Variants in FAF1 observed in about 807,000 individuals in gnomAD.
The protein encoded by FAF1 is FAS-associated factor 1.
In FAF1, 25 loss-of-function variants were observed where a neutral mutation model predicts 92.5. That is an observed-to-expected ratio of 0.27 (90% CI 0.20 to 0.38). FAF1 has a LOEUF of 0.38. Among genes scored for constraint, FAF1 ranks in the 10% least tolerant of loss-of-function variants. FAF1 has a pLI of 1.00. For missense variants in FAF1, 636 were observed against 793.3 expected (o/e 0.80, Z 2.38); for synonymous variants, 234 against 273.2 (o/e 0.86, Z 1.42).
chr1:50,832,281 G>A (rs927999772), intron 2 of FAF1, among the ~76,000 whole-genome samples: 1 of 152,098 alleles, frequency 6.6e-6, no homozygotes, highest in East Asian at 1.9e-4. Context: ...CTGATTTAGA[G>A]GACTACTAGC....
chr1:50,940,969 C>A (rs1332364430), intron 1 of FAF1, among the ~76,000 whole-genome samples: 1 of 151,940 alleles, frequency 6.6e-6, no homozygotes. Flanking sequence ...TTAAAAATCA[C>A]CTTTAAAGAA....
At chr1:50,636,195 T>C (rs183965212) in intron 8 of FAF1, among the ~76,000 whole-genome samples, 103 of 152,240 alleles carry the variant, frequency 6.8e-4, no homozygotes, top group Non-Finnish European at 9.9e-4. Flanking sequence ...AATGCACCCA[T>C]TTTAAAGCAT....
chr1:50,880,632 TATC>T (rs1341385073), intron 1 of FAF1, among the ~76,000 whole-genome samples: 2 of 152,204 alleles, frequency 1.3e-5, no homozygotes, highest in African/African-American at 4.8e-5. Context: ...CTAGAAATGA[TATC>T]ATGTGAAACA....
rs143113861 is a variant in FAF1 at position 50,788,074 on chromosome 1, G to C, written c.293C>G (p.Pro98Arg). ...MPSRQIVERQ[P>R]RMLDFRVEYR... ...TTCAACCCTGAAGTCCAGCATCCGA[G>C]GTTGCCTTTCTACAATCTGCCTGGA... The change falls in exon 4 of 19, where the codon CCT (proline) becomes CGT (arginine). Residue 98 changes from proline (P) to arginine (R), a missense_variant. Pro to Arg is a moderately radical substitution (Grantham distance 103). This residue lies in a region of FAF1 where 317 missense variants were observed against 342.4 expected (regional missense o/e 0.93). Coordinates refer to ENST00000396153, the MANE Select transcript of FAF1 (RefSeq NM_007051.3). The C allele has an allele frequency of 3.5e-5, 56 of 1,613,994 alleles. No homozygotes were observed. The highest frequency in any genetic ancestry group is 6.8e-6 in the Non-Finnish European group (8 of 1,179,998).
intron 3 of FAF1, 35 bp downstream of exon 3, chr1:50,801,596 A>C: frequency 8.1e-7 from 1 of 1,234,162 alleles, no homozygotes; most frequent in Non-Finnish European, 1.2e-6. Context: ...TTGTTCTGCT[A>C]AGTCATCTTA....
intron 9 of FAF1, among the ~76,000 whole-genome samples, chr1:50,594,625 C>CG (rs1335019305): frequency 0.014 from 187 of 13,230 alleles, 1 homozygote; most frequent in South Asian, 0.1. Flanking sequence ...TTTGGGAGGC[C>CG]GGGGGGGGTG....
At chr1:50,706,919 A>T (rs1250093676) in intron 6 of FAF1, among the ~76,000 whole-genome samples, 1 of 152,176 alleles carries the variant, frequency 6.6e-6, no homozygotes, top group African/African-American at 2.4e-5. Flanking sequence ...AATTAGACAG[A>T]TAGGACGGGC....
At chr1:50,820,847 A>ATGTGTGTG (rs59160200) in intron 2 of FAF1, among the ~76,000 whole-genome samples, 2 of 149,812 alleles carry the variant, frequency 1.3e-5, no homozygotes, top group African/African-American at 4.9e-5. Flanking sequence ...CTGAATAATA[A>ATGTGTGTG]TGTGTGTGTG....
chr1:50,733,930 C>T (rs777046286), intron 6 of FAF1, among the ~76,000 whole-genome samples: 7 of 152,202 alleles, frequency 4.6e-5, no homozygotes, highest in Middle Eastern at 3.4e-3. Context: ...CTGAGTAGCT[C>T]GGGTTACAGG....
At chr1:50,954,540 ATTT>A (rs199964324) in intron 1 of FAF1, among the ~76,000 whole-genome samples, 12,215 of 120,344 alleles carry the variant, frequency 0.1, 550 homozygotes, top group African/African-American at 0.13. Context: ...AAAAATTTTG[ATTT>A]TTTTTTTTTT....
chr1:50,638,871 A>T (rs956595176), intron 8 of FAF1, among the ~76,000 whole-genome samples: 1 of 152,248 alleles, frequency 6.6e-6, no homozygotes, highest in African/African-American at 2.4e-5. Context: ...ATTTACATAT[A>T]TAAAATACAC....
chr1:50,597,388 C>A (rs1456359806), intron 8 of FAF1, among the ~76,000 whole-genome samples: 2 of 150,832 alleles, frequency 1.3e-5, no homozygotes, highest in Admixed American at 6.6e-5. Context: ...TTAGTCTTTA[C>A]AATGTCAACC....
chr1:50,535,216 A>G (rs1648410774), intron 15 of FAF1, among the ~76,000 whole-genome samples, 153 bp downstream of exon 15: 1 of 152,234 alleles, frequency 6.6e-6, no homozygotes, highest in South Asian at 2.1e-4. Flanking sequence ...ACTGAAAGGT[A>G]AACTCCATAG....
intron 2 of FAF1, among the ~76,000 whole-genome samples, chr1:50,829,808 G>A (rs1644136240): frequency 6.6e-6 from 1 of 152,206 alleles, no homozygotes; most frequent in African/African-American, 2.4e-5. Context: ...CATTCCAGTT[G>A]TTTAAACGTC....
chr1:50,707,516 T>A (rs921697993), intron 6 of FAF1, among the ~76,000 whole-genome samples: 1 of 151,782 alleles, frequency 6.6e-6, no homozygotes, highest in African/African-American at 2.4e-5. Context: ...CCGGGTAACA[T>A]GGTGAAACCT....
chr1:50,458,668 A>G (rs1646386279), intron 18 of FAF1, among the ~76,000 whole-genome samples: 3 of 152,330 alleles, frequency 2.0e-5, no homozygotes, highest in Non-Finnish European at 4.4e-5. Flanking sequence ...TTTTCTCATA[A>G]AATGCCACTG....
At chr1:50,743,484 C>T (rs940303442) in intron 5 of FAF1, among the ~76,000 whole-genome samples, 8 of 151,194 alleles carry the variant, frequency 5.3e-5, no homozygotes, top group East Asian at 2.0e-4. Context: ...CGTGCCACCA[C>T]GCCCAGCTAA....
intron 1 of FAF1, among the ~76,000 whole-genome samples, chr1:50,908,218 T>C (rs547635416): frequency 1.3e-5 from 2 of 152,368 alleles, no homozygotes; most frequent in South Asian, 2.1e-4. Context: ...CTAGTTTGAT[T>C]GCACTGTGGT....
At chr1:50,605,221 C>T (rs1450059664) in intron 8 of FAF1, among the ~76,000 whole-genome samples, 1 of 152,102 alleles carries the variant, frequency 6.6e-6, no homozygotes, top group Non-Finnish European at 1.5e-5. Flanking sequence ...ACAGAATTAG[C>T]ACAATTTCTA....
Sources: gnomAD v4.1 joint callset for allele counts (sites outside exome capture counted in the v4.1 genomes callset) on GRCh38, gnomAD v4.1.1 for gene constraint, gnomAD v4.1.1 regional missense constraint, MANE v1.5 for transcripts, NCBI Gene and HGNC (gene_info 2026-07-23, HGNC 2026-07-21) for gene names.